ZNF106: variants seen among roughly 807,000 people sequenced by gnomAD.
ZNF106 encodes zinc finger protein 106, also known as SH3-domain binding protein 3.
A neutral mutation model predicts 195.1 loss-of-function variants in ZNF106; 67 were observed. That is an observed-to-expected ratio of 0.34 (90% CI 0.28 to 0.42). The LOEUF is 0.42. Ranked by LOEUF, ZNF106 falls within the 10% of genes least tolerant of loss-of-function variation. ZNF106 has a pLI of 1.00. For synonymous variants in ZNF106, 784 were observed against 818.6 expected (o/e 0.96, Z 0.72); for missense variants, 2,118 against 2,304.5 (o/e 0.92, Z 1.66).
intron 13 of ZNF106, among the ~76,000 whole-genome samples, chr15:42,435,958 C>CTT (rs1216348787): frequency 2.3e-4 from 33 of 140,566 alleles, no homozygotes; most frequent in African/African-American, 6.3e-4. Context: ...GGTGTTGTTT[C>CTT]TTTTTTTTTT....
At chr15:42,455,265 A>G (rs992578508) in intron 4 of ZNF106, among the ~76,000 whole-genome samples, 2 of 152,258 alleles carry the variant, frequency 1.3e-5, no homozygotes, top group Non-Finnish European at 2.9e-5. Flanking sequence ...ATATTTTTGC[A>G]TATACATAAT....
chr15:42,479,628 G>T (rs2056857809), intron 1 of ZNF106, among the ~76,000 whole-genome samples: 1 of 151,984 alleles, frequency 6.6e-6, no homozygotes, highest in Non-Finnish European at 1.5e-5. Context: ...GATCACCAGA[G>T]GTCAGGAGTT....
rs750469202 is a variant in ZNF106 at position 42,439,118 on chromosome 15, G to A, written c.4459C>T (p.Pro1487Ser). 96 of 1,614,028 alleles carry A rather than the reference G, an allele frequency of 5.9e-5. No homozygotes were observed. Among genetic ancestry groups the A allele is most frequent in the Non-Finnish European group, 7.7e-5 (91 of 1,180,030 alleles). Residue 1487 changes from proline to serine, a missense_variant, in exon 11 of 22, where the codon CCA becomes TCA. Pro to Ser is a moderately conservative substitution (Grantham distance 74). Transcript: ENST00000564754. Reference sequence around the variant, plus strand: ...CACCCAGAACGAGACGTTTCTAGTGGGTTTTGCTCTGTAGAGTTCCAAATA... The same window carrying A: ...CACCCAGAACGAGACGTTTCTAGTGAGTTTTGCTCTGTAGAGTTCCAAATA... Reference protein sequence around the residue: ...KDIWNSTEQNPLETSRSGCDE... With the variant: ...KDIWNSTEQNSLETSRSGCDE...
chr15:42,442,343 A>T lies in ZNF106; in HGVS notation c.3493T>A (p.Ser1165Thr). The T allele has an allele frequency of 6.2e-7, 1 of 1,614,158 alleles. No homozygotes were observed. The highest frequency in any genetic ancestry group is 8.5e-7 in the Non-Finnish European group (1 of 1,180,038). ...AGTGCGGCATCAATGGATGTTTGAG[A>T]TCTACTGTTCCTTCGTTCTCGTGTG... ...SLTRERRNSR[S>T]QTSIDAALLP... is the part of the protein sequence containing the mutation. The change falls in exon 10 of 22, where the codon TCT (serine) becomes ACT (threonine). Residue 1165 changes from serine to threonine, a missense_variant. Physicochemically the swap from Ser to Thr is moderately conservative, Grantham distance 58 (BLOSUM62 1). Transcript: ENST00000564754.
intron 14 of ZNF106, among the ~76,000 whole-genome samples, chr15:42,431,209 A>G (rs11639355): frequency 0.1 from 15,663 of 151,954 alleles, 972 homozygotes; most frequent in Non-Finnish European, 0.14. Flanking sequence ...GTGGTTAGAG[A>G]ACATACTTTG....
chr15:42,420,402 C>T (rs1026629797), intron 20 of ZNF106, among the ~76,000 whole-genome samples: 23 of 152,006 alleles, frequency 1.5e-4, no homozygotes, highest in East Asian at 1.9e-4. Context: ...AGGAACTGCA[C>T]TAGATTCTGC....
rs371185062 is a variant in ZNF106, at chr15:42,450,936, C to T, written c.1336G>A (p.Ala446Thr). ...TGTCTCACCACCTCGAAGGAAGCAG[C>T]GGAATCAGAAGAGGCCTTGTGATTA... is the stretch of plus-strand genomic sequence containing the variant. ...SLNHKASSDS[A>T]ASFEVVRQCP... The change falls in exon 5 of 22, where the codon GCT (alanine) becomes ACT (threonine). Residue 446 changes from alanine (A) to threonine (T), a missense_variant. Physicochemically the swap from Ala to Thr is moderately conservative, Grantham distance 58. Transcript: ENST00000564754. 1.5e-5 allele frequency: 24 copies of T among 1,614,098 alleles called. No homozygotes were observed. Among genetic ancestry groups the T allele is most frequent in the East Asian group, 4.5e-5 (2 of 44,888 alleles).
chr15:42,429,341 A>G (rs2054971490), intron 14 of ZNF106, among the ~76,000 whole-genome samples: 1 of 151,748 alleles, frequency 6.6e-6, no homozygotes, highest in South Asian at 2.1e-4. Flanking sequence ...TGGGAGGCTG[A>G]GGCAGGAGAA....
rs1430049572 is a variant in ZNF106 at position 42,442,140 on chromosome 15, ATCTT to A, written c.3692_3695del (p.Gln1231LeufsTer4). 3.1e-6 allele frequency: 5 copies of A among 1,613,636 alleles called. No homozygotes were observed. Among genetic ancestry groups the A allele is most frequent in the Non-Finnish European group, 4.2e-6 (5 of 1,179,634 alleles). ...TTGGTGGCACAGCATTCACATTCTC[ATCTT>A]GTTCAGGAGACATGGGCTCTTGTTT... On this transcript the variant is annotated frameshift_variant, in exon 10 of 22. Transcript: ENST00000564754. LOFTEE classifies it high-confidence loss of function.
intron 1 of ZNF106, among the ~76,000 whole-genome samples, chr15:42,490,059 A>T (rs1195450556): frequency 6.6e-6 from 1 of 151,136 alleles, no homozygotes; most frequent in East Asian, 1.9e-4. Context: ...ATAATAATAA[A>T]AATAAATAAA....
chr15:42,458,784 G>C (rs2056312020), intron 3 of ZNF106, among the ~76,000 whole-genome samples: 1 of 151,236 alleles, frequency 6.6e-6, no homozygotes, highest in Admixed American at 6.6e-5. Context: ...TTTTGGTAAG[G>C]TGTTTTCTTT....
chr15:42,423,413 G>C (rs2054740159), intron 17 of ZNF106, among the ~76,000 whole-genome samples: 1 of 151,750 alleles, frequency 6.6e-6, no homozygotes, highest in Admixed American at 6.6e-5. Flanking sequence ...GTCTCACTTG[G>C]TCACCCAGGG....
chr15:42,486,458 GC>G (rs2057019159), intron 1 of ZNF106, among the ~76,000 whole-genome samples: 1 of 151,824 alleles, frequency 6.6e-6, no homozygotes, highest in African/African-American at 2.4e-5. Flanking sequence ...ACAGGGTCTC[GC>G]TTTGAAGCCC....
In ZNF106 at chr15:42,479,757, G is replaced by A. The variant is rs544569299; in HGVS notation, c.-32-7436C>T. Among the ~76,000 whole-genome samples the A allele has an allele frequency of 5.9e-5, 9 of 152,254 alleles. No homozygotes were observed. In the East Asian group the frequency reaches 1.7e-3, roughly 29 times the overall value. On this transcript the variant is annotated intron_variant, in intron 1 of 21. Coordinates refer to ENST00000564754, the MANE Select transcript of ZNF106 (RefSeq NM_001366845.3). ...CTCGGGAGGCTGAGGCAGGAGAATCGCTTGAACCCGGGGAGTAGAGGTTGC... is the reference window on the plus strand; with the variant it reads ...CTCGGGAGGCTGAGGCAGGAGAATCACTTGAACCCGGGGAGTAGAGGTTGC...
At chr15:42,452,122 T>C (rs1457613982) in intron 4 of ZNF106, among the ~76,000 whole-genome samples, 168 bp from the exon 5 acceptor site, 2 of 152,178 alleles carry the variant, frequency 1.3e-5, no homozygotes, top group African/African-American at 4.8e-5. Context: ...AAATGATATA[T>C]TTAAACGTAT....
intron 1 of ZNF106, among the ~76,000 whole-genome samples, chr15:42,489,971 G>A (rs1447606899): frequency 1.4e-4 from 21 of 152,126 alleles, no homozygotes; most frequent in Admixed American, 1.3e-3. Context: ...ACTGGAAGGC[G>A]GAGGTTGCAG....
chr15:42,450,007 T>G lies in ZNF106; in HGVS notation c.2265A>C (p.Leu755=). 8 of 1,614,212 alleles carry G rather than the reference T, an allele frequency of 5.0e-6. No homozygotes were observed. The highest frequency in any genetic ancestry group is 6.8e-6 in the Non-Finnish European group (8 of 1,180,034). ...TGCTCTTCAAACTAATGTGCCGGGT[T>G]AGATCCCTCTGAAGTGAGGCAGGAA... ...LGFPASLQRD[L]TRHISLKSKT... Residue 755 remains leucine (L), a synonymous_variant, in exon 5 of 22, where the codon CTA becomes CTC. Coordinates refer to ENST00000564754, the MANE Select transcript of ZNF106 (RefSeq NM_001366845.3).
chr15:42,481,357 G>GTTTTT, intron 1 of ZNF106, among the ~76,000 whole-genome samples: 1 of 109,160 alleles, frequency 9.2e-6, no homozygotes, highest in South Asian at 2.9e-4. Flanking sequence ...TTTTTTTGTT[G>GTTTTT]TTTTTTTTTT....
Position 42,450,430 on chromosome 15 carries a change from A to G in ZNF106, c.1842T>C (p.Asp614=). 1 of 1,614,142 alleles carries G rather than the reference A, an allele frequency of 6.2e-7. No individual in the cohort carries two copies. Among genetic ancestry groups the G allele is most frequent in the South Asian group, 1.1e-5 (1 of 91,078 alleles). Residue 614 remains aspartate (D), a synonymous_variant, in exon 5 of 22, where the codon GAT becomes GAC. Transcript: ENST00000564754. ...FQVHALEDES[D]GETSDTEKHG... is the part of the protein sequence containing the mutation. ...GCTTTTCCGTGTCAGATGTCTCTCC[A>G]TCACTTTCATCTTCTAGTGCGTGCA...
Sources: gnomAD v4.1 joint callset for allele counts (sites outside exome capture counted in the v4.1 genomes callset) on GRCh38, gnomAD v4.1.1 for gene constraint, MANE v1.5 for transcripts, NCBI Gene and HGNC (gene_info 2026-07-23, HGNC 2026-07-21) for gene names.